The following FAXDC2 variants were observed in gnomAD, a reference collection of about 807,000 sequenced individuals.
FAXDC2 encodes fatty acid hydroxylase domain-containing protein 2.
A neutral mutation model predicts 40.9 loss-of-function variants in FAXDC2; 41 were observed. The observed-to-expected ratio is 1.00, with a 90% CI of 0.78 to 1.30. FAXDC2 has a LOEUF of 1.30. Ranked by LOEUF, FAXDC2 falls within the 50% of genes most tolerant of loss-of-function variation. The probability of loss-of-function intolerance (pLI) is 0.00; values close to 1 mark genes in which losing one functional copy is unlikely to be tolerated. For synonymous variants in FAXDC2, 157 were observed against 149.3 expected, an observed-to-expected ratio of 1.05 and a Z score of -0.38; for missense variants, 390 against 408.8, an observed-to-expected ratio of 0.95 and a Z score of 0.40.
chr5:154,833,331 T>C (rs1760238878), intron 4 of FAXDC2, among the ~76,000 whole-genome samples: 1 of 148,834 alleles, frequency 6.7e-6, no homozygotes, highest in African/African-American at 2.5e-5. Context: ...GCCACTAATC[T>C]TGGCCTATCT....
At chr5:154,846,213 A>G (rs1428093095) in intron 1 of FAXDC2, among the ~76,000 whole-genome samples, 3 of 151,512 alleles carry the variant, frequency 2.0e-5, no homozygotes, top group Non-Finnish European at 4.4e-5. Context: ...TCAGGGATTG[A>G]AAGGGACACA....
Position 154,819,614 on chromosome 5 carries a change from C to T in FAXDC2, c.*702G>A, listed in dbSNP as rs1483956035. On this transcript the variant is annotated 3_prime_UTR_variant, in exon 9 of 9. Coordinates refer to ENST00000326080, the MANE Select transcript of FAXDC2 (RefSeq NM_032385.5). ...AGGTGTTAAAGTTTGGTCTGCACCT[C>T]GTTGGTTTTAATCCAGGGAGGAGCT... The T allele has an allele frequency of 1.3e-5, 2 of 152,240 alleles. No individual in the cohort carries two copies. The highest frequency in any genetic ancestry group is 1.9e-4 in the East Asian group (1 of 5,182). 9.4% of individuals were successfully genotyped at this position (152,240 alleles called of 1,614,324 possible). A position where few individuals can be genotyped will look rare whatever the true frequency, so the allele number is the denominator to read the frequency against.
At chr5:154,833,001 AT>A (rs1157298476) in intron 4 of FAXDC2, among the ~76,000 whole-genome samples, 1 of 150,604 alleles carries the variant, frequency 6.6e-6, no homozygotes, top group African/African-American at 2.4e-5. Flanking sequence ...CTATGACATC[AT>A]TTTTTAATGG....
chr5:154,823,188 T>A (rs1759931146), intron 6 of FAXDC2, 199 bp downstream of exon 6: 1 of 563,580 alleles, frequency 1.8e-6, no homozygotes, highest in Non-Finnish European at 3.2e-6. Context: ...ATTTTTTAAA[T>A]TTTTTTGTAG....
chr5:154,823,187 A>T, intron 6 of FAXDC2, 200 bp downstream of exon 6: 1 of 565,276 alleles, frequency 1.8e-6, no homozygotes, highest in Non-Finnish European at 3.2e-6. Context: ...AATTTTTTAA[A>T]TTTTTTTGTA....
In FAXDC2 at chr5:154,824,217, G is replaced by A; in HGVS notation, c.367-625C>T. ...CCACTGTACAGAGCTGGTCCCAAGT[G>A]TCCAAAGTCCATTTGGCCTCAATAC... On this transcript the variant is annotated intron_variant, in intron 5 of 8. Transcript: ENST00000326080. 1.0e-5 allele frequency: 5 copies of A among 485,096 alleles called. No individual in the cohort carries two copies. The South Asian group carries it at 1.2e-4, about 12-fold the overall frequency. The allele number at this position is 485,096 out of a possible 1,614,324, so 30.0% of individuals were successfully genotyped here. A position where few individuals can be genotyped will look rare whatever the true frequency, so the allele number is the denominator to read the frequency against.
intron 7 of FAXDC2, 28 bp from the exon 8 acceptor site, chr5:154,821,454 G>C: frequency 6.3e-7 from 1 of 1,596,784 alleles, no homozygotes; most frequent in Non-Finnish European, 8.5e-7. Context: ...ATTGAAGGCA[G>C]GGTCCAGGGA....
intron 4 of FAXDC2, 79 bp downstream of exon 4, chr5:154,834,546 G>A: frequency 9.3e-7 from 1 of 1,075,168 alleles, no homozygotes; most frequent in South Asian, 1.4e-5. Flanking sequence ...AAGTCCCAAA[G>A]TAGAGAACAA....
At chr5:154,842,425 C>CT (rs1760496276) in intron 1 of FAXDC2, among the ~76,000 whole-genome samples, 1 of 143,362 alleles carries the variant, frequency 7.0e-6, no homozygotes, top group Non-Finnish European at 1.5e-5. Context: ...AGGCTGGTCT[C>CT]TAACTCCTGG....
At chr5:154,838,244 G>A in intron 1 of FAXDC2, 66 bp from the exon 2 acceptor site, 1 of 1,509,980 alleles carries the variant, frequency 6.6e-7, no homozygotes, top group Non-Finnish European at 9.1e-7. Flanking sequence ...AGTAGGGAGT[G>A]GAGAAAGTCA....
At chr5:154,820,745 G>C (rs964752056) in intron 8 of FAXDC2, 2 of 338,124 alleles carry the variant, frequency 5.9e-6, no homozygotes, top group Non-Finnish European at 1.1e-5. Flanking sequence ...AGCAGAACTA[G>C]GCTTCTTCAG....
At chr5:154,843,611 A>G (rs924274242) in intron 1 of FAXDC2, among the ~76,000 whole-genome samples, 1 of 152,336 alleles carries the variant, frequency 6.6e-6, no homozygotes, top group Admixed American at 6.5e-5. Context: ...ATGGTCTCCA[A>G]CTTCAAAACT....
intron 1 of FAXDC2, among the ~76,000 whole-genome samples, chr5:154,842,276 C>G (rs1002814396): frequency 6.6e-6 from 1 of 152,090 alleles, no homozygotes; most frequent in African/African-American, 2.4e-5. Flanking sequence ...CAGCTCACGG[C>G]AACCTCCACC....
At chr5:154,837,433 C>T (rs1015884533) in intron 2 of FAXDC2, among the ~76,000 whole-genome samples, 1 of 152,084 alleles carries the variant, frequency 6.6e-6, no homozygotes, top group Non-Finnish European at 1.5e-5. Context: ...CCCACCAGAA[C>T]TTGTTCTTTT....
At position 154,837,624 on chromosome 5, in the gene FAXDC2, A is replaced by G. The variant is rs1474087966; in HGVS notation, c.48+507T>C. 2.0e-5 allele frequency among the ~76,000 whole-genome samples: 3 copies of G among 152,204 alleles called. No homozygotes were observed. In the East Asian group the frequency reaches 5.8e-4, roughly 29 times the overall value. ...TCAAATTAAAACCTCAGTTTCACAT[A>G]CAGGATTAGATATTTGTTCGGGGAT... On this transcript the variant is annotated intron_variant, in intron 2 of 8. Transcript: ENST00000326080.
intron 2 of FAXDC2, among the ~76,000 whole-genome samples, chr5:154,836,799 G>A (rs761517232): frequency 6.6e-6 from 1 of 151,968 alleles, no homozygotes; most frequent in Non-Finnish European, 1.5e-5. Flanking sequence ...CTTAGCCTCC[G>A]GAGTAGCTGG....
At chr5:154,831,049 G>A in intron 4 of FAXDC2, 127 bp from the exon 5 acceptor site, 3 of 1,159,076 alleles carry the variant, frequency 2.6e-6, no homozygotes, top group East Asian at 2.4e-5. Flanking sequence ...GAGGTCTTAG[G>A]GCTTGGGACC....
At chr5:154,826,884 T>A (rs1237926647) in intron 5 of FAXDC2, among the ~76,000 whole-genome samples, 1 of 152,180 alleles carries the variant, frequency 6.6e-6, no homozygotes, top group Non-Finnish European at 1.5e-5. Flanking sequence ...TATATTTTTA[T>A]ATATAAAGCA....
chr5:154,849,901 C>T (rs1021501833), intron 1 of FAXDC2, among the ~76,000 whole-genome samples: 1 of 152,196 alleles, frequency 6.6e-6, no homozygotes, highest in Admixed American at 6.5e-5. Flanking sequence ...AAGCCACTAA[C>T]GATTTCACAA....
Sources: gnomAD v4.1 joint callset for allele counts (sites outside exome capture counted in the v4.1 genomes callset) on GRCh38, gnomAD v4.1.1 for gene constraint, MANE v1.5 for transcripts, NCBI Gene and HGNC (gene_info 2026-07-23, HGNC 2026-07-21) for gene names.